The following TBC1D5 variants were observed in gnomAD, a reference collection of about 807,000 sequenced individuals.
TBC1D5 encodes the protein TBC1 domain family, member 5.
A neutral mutation model predicts 100.3 loss-of-function variants in TBC1D5; 75 were observed. The observed-to-expected ratio is 0.75, with a 90% confidence interval of 0.62 to 0.91. The LOEUF is 0.91. Ranked by LOEUF, TBC1D5 falls within the 40% of genes least tolerant of loss-of-function variation. The probability of loss-of-function intolerance (pLI) is 0.00; values close to 1 mark genes in which losing one functional copy is unlikely to be tolerated. For missense variants in TBC1D5, 910 were observed against 942.4 expected, an observed-to-expected ratio of 0.97 and a Z score of 0.45; for synonymous variants, 323 against 325.6, an observed-to-expected ratio of 0.99 and a Z score of 0.09.
chr3:17,523,157 T>C (rs1015392425), intron 2 of TBC1D5, among the ~76,000 whole-genome samples: 3 of 152,142 alleles, frequency 2.0e-5, no homozygotes, highest in Non-Finnish European at 4.4e-5. Context: ...CCATTTTACA[T>C]AGGTGGCAAT....
intron 3 of TBC1D5, 50 bp downstream of exon 3, chr3:17,508,424 T>C: frequency 6.8e-7 from 1 of 1,467,858 alleles, no homozygotes; most frequent in East Asian, 2.3e-5. Flanking sequence ...GGCCCTCTGC[T>C]AGGTTTCCCA....
chr3:17,652,733 G>A lies in TBC1D5; in HGVS notation c.-100-28820C>T, dbSNP rs1015556710. On this transcript the variant is annotated intron_variant, in intron 1 of 21. Transcript: ENST00000253692. ...ACAAAGAATATTTCTGCAGCACCCT[G>A]ATTATTCTGTAACAGAATTAGACTT... Among the ~76,000 whole-genome samples, 15 of 152,270 alleles carry A rather than the reference G, an allele frequency of 9.9e-5. No individual in the cohort carries two copies. In the East Asian group the frequency reaches 2.5e-3, roughly 25 times the overall value.
chr3:17,657,808 G>C lies in TBC1D5; in HGVS notation c.-100-33895C>G, dbSNP rs138449971. Among the ~76,000 whole-genome samples the C allele has an allele frequency of 1.4e-4, 21 of 152,174 alleles. No homozygotes were observed. The East Asian group carries it at 3.9e-3, about 28-fold the overall frequency. On this transcript the variant is annotated intron_variant, in intron 1 of 21. Coordinates refer to ENST00000253692, the Ensembl canonical transcript of TBC1D5. ...TTATTTCCCTTATGACCAACTACTTGAGTAAAGCCTTTCTGCAACTCCAAT... is the reference window on the plus strand; with the variant it reads ...TTATTTCCCTTATGACCAACTACTTCAGTAAAGCCTTTCTGCAACTCCAAT...
At chr3:17,288,860 G>A (rs1014842036) in intron 15 of TBC1D5, among the ~76,000 whole-genome samples, 3 of 152,170 alleles carry the variant, frequency 2.0e-5, no homozygotes, top group South Asian at 2.1e-4. Flanking sequence ...TCTACCCTCC[G>A]CTGGCAGAGG....
chr3:17,322,090 G>A (rs1206640424), intron 13 of TBC1D5, among the ~76,000 whole-genome samples: 1 of 152,128 alleles, frequency 6.6e-6, no homozygotes, highest in African/African-American at 2.4e-5. Context: ...TGTGATTTGG[G>A]GGAGGGGGAG....
At chr3:17,429,964 T>TA (rs11425835) in intron 3 of TBC1D5, among the ~76,000 whole-genome samples, 61,455 of 151,494 alleles carry the variant, frequency 0.41, 13,149 homozygotes, top group Middle Eastern at 0.46. Flanking sequence ...TTACAACACT[T>TA]AAAAATGGTG....
intron 1 of TBC1D5, among the ~76,000 whole-genome samples, chr3:17,644,927 T>TCAAAA (rs529583323): frequency 0.012 from 1,776 of 152,070 alleles, 32 homozygotes; most frequent in African/African-American, 0.041. Context: ...TTTAATTTAT[T>TCAAAA]CAAAACAAAA....
intron 1 of TBC1D5, among the ~76,000 whole-genome samples, chr3:17,682,971 T>C (rs2069708377): frequency 6.6e-6 from 1 of 151,602 alleles, no homozygotes; most frequent in South Asian, 2.1e-4. Flanking sequence ...AGACCCAGGA[T>C]GGAGGCTTCC....
intron 21 of TBC1D5, among the ~76,000 whole-genome samples, chr3:17,166,479 C>T (rs542394559): frequency 5.9e-5 from 9 of 152,320 alleles, no homozygotes; most frequent in Admixed American, 1.3e-4. Flanking sequence ...GCTTTCCCAT[C>T]GCACAGAATG....
At chr3:17,223,329 C>T (rs1009360752) in intron 17 of TBC1D5, among the ~76,000 whole-genome samples, 3 of 152,002 alleles carry the variant, frequency 2.0e-5, no homozygotes, top group Non-Finnish European at 2.9e-5. Context: ...TTTGCCTATT[C>T]CCCCCGCAAA....
chr3:17,662,465 G>C (rs1560405980), intron 1 of TBC1D5, among the ~76,000 whole-genome samples: 1 of 152,090 alleles, frequency 6.6e-6, no homozygotes, highest in Non-Finnish European at 1.5e-5. Context: ...ACCATGAACT[G>C]TTTAAAATAT....
chr3:17,390,446 T>C (rs1219551123), intron 8 of TBC1D5, among the ~76,000 whole-genome samples: 2 of 152,114 alleles, frequency 1.3e-5, no homozygotes, highest in Non-Finnish European at 2.9e-5. Context: ...TTATAGTACA[T>C]AATTAGGTAA....
chr3:17,603,755 T>C (rs975581569), intron 2 of TBC1D5, among the ~76,000 whole-genome samples: 4 of 151,918 alleles, frequency 2.6e-5, no homozygotes, highest in Non-Finnish European at 1.5e-5. Context: ...AACCTCTGGC[T>C]CTCTGCCTCA....
intron 9 of TBC1D5, among the ~76,000 whole-genome samples, chr3:17,377,736 G>A (rs1250770025): frequency 1.3e-5 from 2 of 151,972 alleles, no homozygotes; most frequent in Non-Finnish European, 2.9e-5. Context: ...TTATCATAAA[G>A]ATAATATGCA....
At chr3:17,591,960 T>C (rs2060256423) in intron 2 of TBC1D5, among the ~76,000 whole-genome samples, 1 of 152,248 alleles carries the variant, frequency 6.6e-6, no homozygotes, top group South Asian at 2.1e-4. Flanking sequence ...TCTTGGAGAA[T>C]GACAGTAGAT....
chr3:17,670,694 A>G (rs547219637), intron 1 of TBC1D5, among the ~76,000 whole-genome samples: 24 of 152,344 alleles, frequency 1.6e-4, no homozygotes, highest in African/African-American at 5.3e-4. Flanking sequence ...AAGAAGCTCA[A>G]TTCTTCAAGT....
At chr3:17,595,925 C>T (rs768870509) in intron 2 of TBC1D5, among the ~76,000 whole-genome samples, 2 of 152,158 alleles carry the variant, frequency 1.3e-5, no homozygotes, top group South Asian at 2.1e-4. Context: ...GATTCTGACA[C>T]GATACATAGG....
rs2068112199 is a variant in TBC1D5, at chr3:17,672,891, T to C, written c.-100-48978A>G. On this transcript the variant is annotated intron_variant, in intron 1 of 21. Coordinates refer to ENST00000253692, the Ensembl canonical transcript of TBC1D5. ...TCCATGAATATCTGTGGAAGAAGTCTATGCAAAGTATCCTGACCCTTAATG... is the reference window on the plus strand; with the variant it reads ...TCCATGAATATCTGTGGAAGAAGTCCATGCAAAGTATCCTGACCCTTAATG... 3.9e-5 allele frequency among the ~76,000 whole-genome samples: 6 copies of C among 152,286 alleles called. No homozygotes were observed. The South Asian group carries it at 1.2e-3, about 32-fold the overall frequency.
intron 1 of TBC1D5, among the ~76,000 whole-genome samples, chr3:17,665,583 G>T (rs2067172807): frequency 6.6e-6 from 1 of 152,102 alleles, no homozygotes; most frequent in Non-Finnish European, 1.5e-5. Flanking sequence ...TGCTAATTTG[G>T]TTTCTTGCTT....
Sources: gnomAD v4.1 joint callset for allele counts (sites outside exome capture counted in the v4.1 genomes callset) on GRCh38, gnomAD v4.1.1 for gene constraint, MANE v1.5 for transcripts, NCBI Gene and HGNC (gene_info 2026-07-23, HGNC 2026-07-21) for gene names.